Variants in PADI6 observed in about 807,000 individuals in gnomAD.
PADI6 encodes inactive protein-arginine deiminase type-6.
Under a neutral mutation model 78.2 loss-of-function variants are expected in PADI6, and 66 were observed. That is an observed-to-expected ratio of 0.84 (90% CI 0.69 to 1.04). The LOEUF (loss-of-function observed/expected upper bound fraction) is 1.04. PADI6 is among the 50% of genes least tolerant of loss of function. PADI6 has a pLI of 0.00. For missense variants in PADI6, 854 were observed against 866.1 expected (o/e 0.99, Z 0.18); for synonymous variants, 397 against 346.9 (o/e 1.14, Z -1.60).
intron 8 of PADI6, 41 bp from the exon 9 acceptor site, chr1:17,392,073 C>T (rs780558196): frequency 1.1e-5 from 17 of 1,520,874 alleles, no homozygotes; most frequent in Non-Finnish European, 1.4e-5. Flanking sequence ...AGTAAGGGAC[C>T]TTCGAAAGCC....
chr1:17,397,381 G>A (rs1259209170), intron 14 of PADI6, among the ~76,000 whole-genome samples: 5 of 152,192 alleles, frequency 3.3e-5, no homozygotes, highest in East Asian at 1.9e-4. Flanking sequence ...ACAGCACGAT[G>A]TACCTTTATG....
chr1:17,387,846 C>T (rs2075136623), intron 6 of PADI6, among the ~76,000 whole-genome samples: 1 of 152,312 alleles, frequency 6.6e-6, no homozygotes, highest in African/African-American at 2.4e-5. Flanking sequence ...TATTTAATGA[C>T]CTAAAACTAG....
At chr1:17,393,544 C>T (rs1411378691) in intron 9 of PADI6, among the ~76,000 whole-genome samples, 1 of 152,092 alleles carries the variant, frequency 6.6e-6, no homozygotes, top group Non-Finnish European at 1.5e-5. Context: ...CTTTTTCGCC[C>T]AGACTGGAGT....
intron 12 of PADI6, 140 bp from the exon 13 acceptor site, chr1:17,395,400 C>T (rs1232432000): frequency 3.5e-6 from 4 of 1,128,358 alleles, no homozygotes; most frequent in South Asian, 3.3e-5. Context: ...GATGGAATTT[C>T]ACCATGTTGG....
chr1:17,384,917 T>C (rs376843454), intron 6 of PADI6, among the ~76,000 whole-genome samples: 1 of 152,316 alleles, frequency 6.6e-6, no homozygotes, highest in East Asian at 1.9e-4. Context: ...TGTGTGGTGG[T>C]AATTACAGGG....
In PADI6 at chr1:17,384,170, G is replaced by A. The variant is rs577725068; in HGVS notation, c.679+2078G>A. ...AAAAAAAAACTTAAAAATCAGGGTAGGGCAACACAGCATGTTATGTTTTAA... is the reference window on the plus strand; with the variant it reads ...AAAAAAAAACTTAAAAATCAGGGTAAGGCAACACAGCATGTTATGTTTTAA... On this transcript the variant is annotated intron_variant, in intron 6 of 15. Transcript: ENST00000619609. 8.5e-5 allele frequency among the ~76,000 whole-genome samples: 13 copies of A among 152,144 alleles called. No individual in the cohort carries two copies. The South Asian group carries it at 2.7e-3, about 32-fold the overall frequency.
At chr1:17,387,043 A>T (rs2075126813) in intron 6 of PADI6, among the ~76,000 whole-genome samples, 1 of 152,214 alleles carries the variant, frequency 6.6e-6, no homozygotes, top group Admixed American at 6.5e-5. Flanking sequence ...AGGAACAGCC[A>T]TCAGGCCTAC....
chr1:17,397,863 C>A (rs111301854), intron 14 of PADI6, among the ~76,000 whole-genome samples: 27 of 152,216 alleles, frequency 1.8e-4, no homozygotes, highest in African/African-American at 6.5e-4. Flanking sequence ...GACATAGCTC[C>A]GCAGCCTCCT....
At chr1:17,389,071 T>C (rs905729667) in intron 8 of PADI6, among the ~76,000 whole-genome samples, 191 bp downstream of exon 8, 7 of 152,162 alleles carry the variant, frequency 4.6e-5, no homozygotes, top group African/African-American at 1.7e-4. Flanking sequence ...AAGATGGGCA[T>C]GGAACAGTGA....
chr1:17,391,480 A>C (rs1013225143), intron 8 of PADI6, among the ~76,000 whole-genome samples: 11 of 152,188 alleles, frequency 7.2e-5, no homozygotes, highest in Non-Finnish European at 1.2e-4. Context: ...TCAGCCTCCC[A>C]AAGTGCTGGG....
At position 17,379,922 on chromosome 1, in the gene PADI6, GTC is replaced by G. The variant is rs759988828; in HGVS notation, c.376_377del (p.Leu126ArgfsTer11). ...GACACCCTTTTCTTCTGTTTCAGAG[GTC>G]TCTCTAGAGGTAGACATCTACCGCA... ...TAVLYLTGIE[V>X]SLEVDIYRNG... On this transcript the variant is annotated frameshift_variant, in exon 4 of 16. Coordinates refer to ENST00000619609, the MANE Select transcript of PADI6 (RefSeq NM_207421.4). LOFTEE classifies it high-confidence loss of function. The G allele has an allele frequency of 1.9e-6, 3 of 1,613,304 alleles. No individual in the cohort carries two copies. The highest frequency in any genetic ancestry group is 1.7e-6 in the Non-Finnish European group (2 of 1,179,436).
At position 17,384,289 on chromosome 1, in the gene PADI6, C is replaced by A. The variant is rs1203494479; in HGVS notation, c.679+2197C>A. Among the ~76,000 whole-genome samples the A allele has an allele frequency of 2.6e-4, 39 of 151,822 alleles. 1 individual carries two copies. ...AAAAGTTTACAGAGGAATAGAAAGC[C>A]AGAATACAGGGTTCTAGAAACAGGC... On this transcript the variant is annotated intron_variant, in intron 6 of 15. Transcript: ENST00000619609.
At position 17,380,042 on chromosome 1, in the gene PADI6, C is replaced by A. The variant is rs998558828; in HGVS notation, c.435+55C>A. The stretch of plus-strand genomic sequence containing the variant: ...AGGGGCCCTATAAGCCAAATCTGCC[C>A]ACAGGCTCACTTGATCTGACCTTCC... On this transcript the variant is annotated intron_variant, in intron 4 of 15. Coordinates refer to ENST00000619609, the MANE Select transcript of PADI6 (RefSeq NM_207421.4). 136 of 1,554,150 alleles carry A rather than the reference C, an allele frequency of 8.8e-5. No individual in the cohort carries two copies. In the Middle Eastern group the frequency reaches 5.3e-3, roughly 60 times the overall value.
At chr1:17,378,944 T>G (rs1181613590) in intron 3 of PADI6, among the ~76,000 whole-genome samples, 1 of 133,426 alleles carries the variant, frequency 7.5e-6, no homozygotes, top group Non-Finnish European at 1.6e-5. Flanking sequence ...TGTCATGTAT[T>G]GAATTTTTTT....
chr1:17,392,723 T>G (rs7545237), intron 9 of PADI6, among the ~76,000 whole-genome samples: 91,514 of 152,128 alleles, frequency 0.6, 27,775 homozygotes, highest in South Asian at 0.67. Context: ...TGCTATGAAA[T>G]TTAGACAATG....
intron 13 of PADI6, among the ~76,000 whole-genome samples, chr1:17,396,243 G>A (rs540477012): frequency 6.6e-6 from 1 of 152,262 alleles, no homozygotes; most frequent in East Asian, 1.9e-4. Context: ...AAAATTAGCC[G>A]GGCATGGTGG....
intron 15 of PADI6, among the ~76,000 whole-genome samples, chr1:17,399,301 T>G (rs903669064): frequency 3.9e-5 from 6 of 152,148 alleles, no homozygotes; most frequent in Non-Finnish European, 8.8e-5. Context: ...ACATCAGCCC[T>G]TAAAATAACA....
intron 13 of PADI6, 149 bp from the exon 14 acceptor site, chr1:17,396,922 G>T: frequency 1.4e-6 from 1 of 694,684 alleles, no homozygotes; most frequent in Non-Finnish European, 2.5e-6. Context: ...GGACCTGAGG[G>T]TGTGATCCCT....
In PADI6 at chr1:17,381,041, T is replaced by C. The variant is rs754772194; in HGVS notation, c.436-6T>C. 3.8e-6 allele frequency: 6 copies of C among 1,587,760 alleles called. No individual in the cohort carries two copies. Among genetic ancestry groups the C allele is most frequent in the Non-Finnish European group, 1.7e-6 (2 of 1,166,980 alleles). On this transcript the variant is annotated splice_region_variant and splice_polypyrimidine_tract_variant and intron_variant, in intron 4 of 15. Coordinates refer to ENST00000619609, the MANE Select transcript of PADI6 (RefSeq NM_207421.4). ...TCCTGAGCCAATGTTCCCATCTCAT[T>C]TGCAGAAAAAATGGATCTGGGGTCC...
Sources: gnomAD v4.1 joint callset for allele counts (sites outside exome capture counted in the v4.1 genomes callset) on GRCh38, gnomAD v4.1.1 for gene constraint, MANE v1.5 for transcripts, NCBI Gene and HGNC (gene_info 2026-07-23, HGNC 2026-07-21) for gene names.